GLIS3: variants seen among roughly 807,000 people sequenced by gnomAD.
GLIS3 encodes the protein GLIS family zinc finger 3, also known as zinc finger protein GLIS3.
GLIS3 carries 53 observed loss-of-function variants against 78.6 expected under a neutral mutation model. The observed-to-expected ratio is 0.67, with a 90% confidence interval of 0.54 to 0.85. The LOEUF is 0.85. Ranked by LOEUF, GLIS3 falls within the 40% of genes least tolerant of loss-of-function variation. The pLI, the probability that GLIS3 is intolerant of heterozygous loss-of-function variation, is 0.00. For missense variants in GLIS3, 1,703 were observed against 1,231.1 expected (o/e 1.38, Z -5.74); for synonymous variants, 684 against 509.9 (o/e 1.34, Z -4.60).
the GLIS3 span, among the ~76,000 whole-genome samples, chr9:4,417,590 C>A: frequency 1.3e-5 from 2 of 152,300 alleles, no homozygotes; most frequent in East Asian, 3.9e-4. Flanking sequence ...CATTCCTATA[C>A]ATGCAATTTG....
chr9:3,975,156 C>G (rs1376402308), intron 4 of GLIS3: 4 of 151,986 alleles, frequency 2.6e-5, no homozygotes, highest in African/African-American at 9.7e-5. Context: ...TAACACAAAC[C>G]TTGGTGAGTC....
chr9:4,244,167 T>TA (rs1225401204), intron 2 of GLIS3, among the ~76,000 whole-genome samples: 1 of 152,258 alleles, frequency 6.6e-6, no homozygotes, highest in African/African-American at 2.4e-5. Context: ...TCTTTAGTGT[T>TA]ACATGCACCT....
At chr9:4,329,861 A>C (rs909663589) in intron 2 of GLIS3, among the ~76,000 whole-genome samples, 6 of 152,214 alleles carry the variant, frequency 3.9e-5, no homozygotes, top group African/African-American at 1.2e-4. Flanking sequence ...AATTCGACTG[A>C]AACAGTTCCT....
chr9:4,265,433 G>A (rs1825906478), intron 2 of GLIS3, among the ~76,000 whole-genome samples: 2 of 142,828 alleles, frequency 1.4e-5, no homozygotes, highest in Non-Finnish European at 3.0e-5. Context: ...AGGTCCCAGA[G>A]CTGGTCAGGA....
At chr9:4,362,385 G>C in the GLIS3 span, among the ~76,000 whole-genome samples, 1 of 152,134 alleles carries the variant, frequency 6.6e-6, no homozygotes, top group Non-Finnish European at 1.5e-5. Context: ...CTGTATCATT[G>C]ATGTAGTAAG....
At chr9:3,937,872 A>G (rs1442046233) in intron 4 of GLIS3, among the ~76,000 whole-genome samples, 1 of 152,204 alleles carries the variant, frequency 6.6e-6, no homozygotes, top group Non-Finnish European at 1.5e-5. Flanking sequence ...GTACCGTAAT[A>G]CTTTAATCTT....
At chr9:4,130,270 C>A (rs561620262) in intron 2 of GLIS3, among the ~76,000 whole-genome samples, 1 of 152,108 alleles carries the variant, frequency 6.6e-6, no homozygotes, top group African/African-American at 2.4e-5. Flanking sequence ...AAGAAAAAAG[C>A]GTTTTCAGGA....
the GLIS3 span, among the ~76,000 whole-genome samples, chr9:4,396,481 T>C: frequency 2.0e-5 from 3 of 152,216 alleles, no homozygotes; most frequent in African/African-American, 7.2e-5. Context: ...CTAACTGGAC[T>C]TCACTATTTT....
chr9:4,442,241 A>C, the GLIS3 span, among the ~76,000 whole-genome samples: 2 of 152,162 alleles, frequency 1.3e-5, no homozygotes, highest in African/African-American at 2.4e-5. Context: ...TTGGTGTATA[A>C]TTGTTCATAA....
At chr9:4,343,097 G>C (rs1017764442) in intron 2 of GLIS3, among the ~76,000 whole-genome samples, 9 of 152,204 alleles carry the variant, frequency 5.9e-5, no homozygotes, top group African/African-American at 1.2e-4. Flanking sequence ...CCAGCACTGT[G>C]GGAGGCCAAG....
chr9:3,947,766 G>A (rs1816399155), intron 4 of GLIS3, among the ~76,000 whole-genome samples: 1 of 152,138 alleles, frequency 6.6e-6, no homozygotes, highest in Non-Finnish European at 1.5e-5. Context: ...CAGGAAAGAT[G>A]GGATTAAAAA....
chr9:4,316,736 T>C (rs1817442633), intron 2 of GLIS3, among the ~76,000 whole-genome samples: 2 of 152,300 alleles, frequency 1.3e-5, no homozygotes, highest in South Asian at 4.2e-4. Context: ...TGGGATAAGC[T>C]TCGACCATCT....
rs10974264 is a variant in GLIS3 at position 3,965,485 on chromosome 9, C to T, written c.1711-28296G>A. ...CTGGGATTACAGGCGTGAGCCACCACGCCCAACGCCTCTTTCCTAATTCTA... is the reference window on the plus strand; with the variant it reads ...CTGGGATTACAGGCGTGAGCCACCATGCCCAACGCCTCTTTCCTAATTCTA... On this transcript the variant is annotated intron_variant, in intron 4 of 10. Coordinates refer to ENST00000381971, the MANE Select transcript of GLIS3 (RefSeq NM_001042413.2). Among the ~76,000 whole-genome samples, 1,321 of 152,320 alleles carry T rather than the reference C, an allele frequency of 8.7e-3. 10 individuals are homozygous for T. Among genetic ancestry groups the T allele is most frequent in the Middle Eastern group, 0.027 (8 of 294 alleles).
chr9:4,116,893 G>C (rs1831686980), intron 4 of GLIS3, among the ~76,000 whole-genome samples: 1 of 152,188 alleles, frequency 6.6e-6, no homozygotes, highest in African/African-American at 2.4e-5. Flanking sequence ...GTCTGAGATT[G>C]TGCAAAGCCA....
intron 2 of GLIS3, among the ~76,000 whole-genome samples, chr9:4,173,706 C>T (rs1816577961): frequency 6.6e-6 from 1 of 152,076 alleles, no homozygotes; most frequent in Admixed American, 6.6e-5. Context: ...AAAAGATCCT[C>T]CCACCACAGC....
chr9:4,197,723 G>A (rs765272056), intron 2 of GLIS3, among the ~76,000 whole-genome samples: 5 of 152,180 alleles, frequency 3.3e-5, no homozygotes, highest in African/African-American at 7.2e-5. Context: ...TAAGTCAGTA[G>A]AGAGTTTCTG....
At chr9:3,869,084 A>G (rs66496523) in intron 8 of GLIS3, among the ~76,000 whole-genome samples, 38,795 of 152,080 alleles carry the variant, frequency 0.26, 5,263 homozygotes, top group African/African-American at 0.32. Context: ...ATTTACCACT[A>G]TAGCCTCAGT....
chr9:3,995,589 G>A (rs554102637), intron 4 of GLIS3, among the ~76,000 whole-genome samples: 1 of 151,910 alleles, frequency 6.6e-6, no homozygotes, highest in African/African-American at 2.4e-5. Flanking sequence ...AAAGAAACAA[G>A]AGGCTGTGAA....
the GLIS3 span, among the ~76,000 whole-genome samples, chr9:4,480,846 A>C: frequency 6.6e-6 from 1 of 151,590 alleles, no homozygotes; most frequent in Admixed American, 6.6e-5. Context: ...AAAAAAAAAA[A>C]AAAACCCACC....
Sources: allele counts gnomAD v4.1 joint callset (sites outside exome capture counted in the v4.1 genomes callset), GRCh38; gene constraint gnomAD v4.1.1; transcripts MANE v1.5; gene names NCBI Gene and HGNC (gene_info 2026-07-23, HGNC 2026-07-21).